Variants in QKI observed in about 807,000 individuals in gnomAD.
QKI encodes the protein QKI, KH domain containing RNA binding.
QKI carries 10 observed loss-of-function variants against 39.0 expected under a neutral mutation model. The ratio of observed to expected loss-of-function variants is 0.26; its 90% confidence interval spans 0.16 to 0.43. The LOEUF is 0.43. Among genes scored for constraint, QKI ranks in the 20% least tolerant of loss-of-function variants. The pLI is 1.00. For synonymous variants in QKI, 204 were observed against 155.4 expected, an observed-to-expected ratio of 1.31 and a Z score of -2.33; for missense variants, 218 against 428.0, an observed-to-expected ratio of 0.51 and a Z score of 4.33.
intron 1 of QKI, among the ~76,000 whole-genome samples, chr6:163,418,910 C>G (rs1277443305): frequency 3.3e-5 from 5 of 152,002 alleles, no homozygotes; most frequent in African/African-American, 7.2e-5. Context: ...ATTTTAAAAG[C>G]TGATTTTGAG....
At chr6:163,540,450 T>C (rs958404509) in intron 4 of QKI, among the ~76,000 whole-genome samples, 1 of 152,198 alleles carries the variant, frequency 6.6e-6, no homozygotes, top group African/African-American at 2.4e-5. Context: ...TACATGTAAC[T>C]AAATGTTTAG....
Position 163,575,178 on chromosome 6 carries a change from GCTGT to G in QKI, c.*4474_*4477del, listed in dbSNP as rs1391529541. 1 of 152,158 alleles carries G rather than the reference GCTGT, an allele frequency of 6.6e-6. No individual in the cohort carries two copies. Among genetic ancestry groups the G allele is most frequent in the Non-Finnish European group, 1.5e-5 (1 of 68,022 alleles). The allele number at this position is 152,158 out of a possible 1,614,324, so 9.4% of individuals were successfully genotyped here. On this transcript the variant is annotated 3_prime_UTR_variant, in exon 8 of 8. Transcript: ENST00000361752. ...ATGTAGTAGTCTGTGAAAATTCGAA[GCTGT>G]CTGTCAAGCTGCTAATATACAAGTT...
chr6:163,486,406 T>TA (rs1437118253), intron 3 of QKI, among the ~76,000 whole-genome samples: 4 of 152,230 alleles, frequency 2.6e-5, no homozygotes, highest in Non-Finnish European at 4.4e-5. Context: ...GAACATGACT[T>TA]ACGAAATGTT....
Position 163,414,991 on chromosome 6 carries a change from C to T in QKI, c.-203C>T, listed in dbSNP as rs1787303564. Reference sequence around the variant, plus strand: ...GGCGGCGGCTGGGAGCGCGTCGGGCCCGGGCGGAAAGTGCCTGCGGGGGGC... The same window carrying T: ...GGCGGCGGCTGGGAGCGCGTCGGGCTCGGGCGGAAAGTGCCTGCGGGGGGC... On this transcript the variant is annotated 5_prime_UTR_variant, in exon 1 of 8. Transcript: ENST00000361752. The T allele has an allele frequency of 1.2e-5, 4 of 322,722 alleles. No homozygotes were observed. The South Asian group carries it at 3.6e-4, about 29-fold the overall frequency. The allele number at this position is 322,722 out of a possible 1,614,324, so 20.0% of individuals were successfully genotyped here.
intron 3 of QKI, among the ~76,000 whole-genome samples, chr6:163,488,969 A>ATTTT (rs745416835): frequency 1.2e-5 from 1 of 86,420 alleles, no homozygotes. Flanking sequence ...TTATCCTTCC[A>ATTTT]TTTCTTTTTT....
At chr6:163,448,156 G>A (rs540828651) in intron 1 of QKI, among the ~76,000 whole-genome samples, 1 of 152,100 alleles carries the variant, frequency 6.6e-6, no homozygotes, top group African/African-American at 2.4e-5. Flanking sequence ...TTGCTGTTTT[G>A]TATTTTTGCA....
intron 3 of QKI, among the ~76,000 whole-genome samples, chr6:163,530,285 C>T (rs73246625): frequency 0.021 from 3,122 of 152,220 alleles, 110 homozygotes; most frequent in African/African-American, 0.071. Context: ...ATCATCCCTC[C>T]TGTCTGCTTA....
At chr6:163,482,416 A>G (rs564586208) in intron 3 of QKI, among the ~76,000 whole-genome samples, 6 of 152,196 alleles carry the variant, frequency 3.9e-5, no homozygotes, top group African/African-American at 1.4e-4. Flanking sequence ...CACCATCTGA[A>G]TGTCCTCTAA....
At chr6:163,505,385 A>C (rs1266618626) in intron 3 of QKI, among the ~76,000 whole-genome samples, 1 of 152,214 alleles carries the variant, frequency 6.6e-6, no homozygotes, top group Non-Finnish European at 1.5e-5. Context: ...GACAGCTTGC[A>C]CTATGTGCCT....
At chr6:163,467,549 C>T (rs575890749) in intron 2 of QKI, among the ~76,000 whole-genome samples, 1 of 152,284 alleles carries the variant, frequency 6.6e-6, no homozygotes, top group South Asian at 2.1e-4. Flanking sequence ...TTTTCTTACA[C>T]AGCACTTGTA....
chr6:163,527,612 A>G (rs1780594971), intron 3 of QKI, among the ~76,000 whole-genome samples: 1 of 152,170 alleles, frequency 6.6e-6, no homozygotes, highest in South Asian at 2.1e-4. Flanking sequence ...TCAAACAGAT[A>G]TTGTAATTAG....
chr6:163,550,947 A>AT (rs1782197479), intron 4 of QKI, among the ~76,000 whole-genome samples: 1 of 56,694 alleles, frequency 1.8e-5, no homozygotes, highest in Non-Finnish European at 3.2e-5. Context: ...ACTCTGTCTC[A>AT]CAAAAAAAAA....
chr6:163,535,287 CAT>C (rs962639487), intron 4 of QKI, among the ~76,000 whole-genome samples, 162 bp downstream of exon 4: 56 of 152,100 alleles, frequency 3.7e-4, no homozygotes, highest in African/African-American at 1.2e-3. Flanking sequence ...ATAATAAAAA[CAT>C]AAAGTTCGTA....
intron 3 of QKI, among the ~76,000 whole-genome samples, chr6:163,500,270 T>C (rs961942533): frequency 6.6e-6 from 1 of 152,188 alleles, no homozygotes; most frequent in Admixed American, 6.5e-5. Context: ...GAGTTGTCTT[T>C]AGCAATTAGA....
intron 4 of QKI, among the ~76,000 whole-genome samples, chr6:163,543,245 G>A (rs1781656698): frequency 6.6e-6 from 1 of 152,008 alleles, no homozygotes; most frequent in South Asian, 2.1e-4. Context: ...GAAATTTGTG[G>A]TATTGTTGGC....
At chr6:163,521,292 G>T (rs1162429698) in intron 3 of QKI, among the ~76,000 whole-genome samples, 2 of 152,118 alleles carry the variant, frequency 1.3e-5, no homozygotes, top group Non-Finnish European at 2.9e-5. Flanking sequence ...GCTGGGATGT[G>T]TTGTAGATAC....
intron 3 of QKI, among the ~76,000 whole-genome samples, chr6:163,526,586 A>G (rs1198521314): frequency 3.9e-5 from 6 of 152,186 alleles, no homozygotes; most frequent in Non-Finnish European, 5.9e-5. Context: ...TATCACCACT[A>G]TTTTTGTTAA....
intron 1 of QKI, chr6:163,423,620 T>G (rs186413732): frequency 6.6e-6 from 1 of 152,366 alleles, no homozygotes; most frequent in Non-Finnish European, 1.5e-5. Flanking sequence ...AATGATTTTT[T>G]GCTAATTCTG....
chr6:163,530,604 A>C (rs1185228876), intron 3 of QKI, among the ~76,000 whole-genome samples: 1 of 152,204 alleles, frequency 6.6e-6, no homozygotes, highest in Non-Finnish European at 1.5e-5. Flanking sequence ...AATGGACTAC[A>C]GTAGAATGAA....
Sources: gnomAD v4.1 joint callset for allele counts (sites outside exome capture counted in the v4.1 genomes callset) on GRCh38, gnomAD v4.1.1 for gene constraint, MANE v1.5 for transcripts, NCBI Gene and HGNC (gene_info 2026-07-23, HGNC 2026-07-21) for gene names.